The following SLC9D1 variants were observed in gnomAD, a reference collection of about 807,000 sequenced individuals.
SLC9D1 encodes the protein solute carrier family 9 member D1, also known as putative LAG1-interacting protein.
At chr13:113,544,499 T>C in the SLC9D1 span, among the ~76,000 whole-genome samples, 21 of 152,346 alleles carry the variant, frequency 1.4e-4, no homozygotes, top group African/African-American at 4.8e-4. Context: ...CCTTTGTAAA[T>C]GCAGCTCTAT....
chr13:113,496,504 G>C, the SLC9D1 span, among the ~76,000 whole-genome samples: 1 of 152,168 alleles, frequency 6.6e-6, no homozygotes, highest in Non-Finnish European at 1.5e-5. Flanking sequence ...TTGAATTAAG[G>C]ACTTTGACCA....
the SLC9D1 span, among the ~76,000 whole-genome samples, chr13:113,506,550 TGTGTGTGA>T: frequency 1.4e-4 from 18 of 132,956 alleles, 1 homozygote; most frequent in Admixed American, 1.0e-3. Flanking sequence ...CATGGGCGTG[TGTGTGTGA>T]GTGTGTGTGT....
the SLC9D1 span, chr13:113,545,626 T>C: frequency 2.6e-5 from 4 of 151,244 alleles, no homozygotes; most frequent in Non-Finnish European, 2.9e-5. Context: ...GAGTGAGCCA[T>C]GTTCCCAGGG....
chr13:113,497,453 C>T, the SLC9D1 span, among the ~76,000 whole-genome samples: 2 of 142,832 alleles, frequency 1.4e-5, no homozygotes, highest in African/African-American at 5.4e-5. Flanking sequence ...AGACCTGCAG[C>T]TGTATGAGAC....
the SLC9D1 span, chr13:113,520,526 T>A: frequency 2.5e-6 from 2 of 790,202 alleles, no homozygotes; most frequent in South Asian, 2.4e-5. Context: ...ATAATTTGAG[T>A]TATTTTGGAA....
the SLC9D1 span, chr13:113,498,458 A>G: frequency 1.3e-6 from 2 of 1,591,772 alleles, no homozygotes; most frequent in Non-Finnish European, 1.7e-6. Context: ...TTGAAGATGT[A>G]AGAAAGGCAG....
chr13:113,536,992 G>A, the SLC9D1 span, among the ~76,000 whole-genome samples: 1 of 152,162 alleles, frequency 6.6e-6, no homozygotes, highest in African/African-American at 2.4e-5. Context: ...GCATCTCAGG[G>A]CTCTGATGGG....
the SLC9D1 span, among the ~76,000 whole-genome samples, chr13:113,537,452 G>A: frequency 2.6e-5 from 4 of 152,200 alleles, no homozygotes; most frequent in South Asian, 4.1e-4. Context: ...GCCTGGCCGC[G>A]TCGCCGTGCG....
At chr13:113,495,803 A>T in the SLC9D1 span, 1 of 1,614,166 alleles carries the variant, frequency 6.2e-7, no homozygotes, top group Non-Finnish European at 8.5e-7. Flanking sequence ...TGAAAACTGC[A>T]ATTGGAGCAG....
the SLC9D1 span, among the ~76,000 whole-genome samples, chr13:113,508,517 A>G: frequency 5.1e-4 from 78 of 152,330 alleles, 2 homozygotes; most frequent in Admixed American, 1.7e-3. Flanking sequence ...AGAGAAAAGA[A>G]ATTCAGAGGC....
chr13:113,537,598 T>C, the SLC9D1 span, among the ~76,000 whole-genome samples: 1 of 152,276 alleles, frequency 6.6e-6, no homozygotes, highest in African/African-American at 2.4e-5. Flanking sequence ...CAGAAGTTCT[T>C]AATTTCAGCA....
chr13:113,506,892 C>T, the SLC9D1 span, among the ~76,000 whole-genome samples: 13 of 152,114 alleles, frequency 8.5e-5, no homozygotes, highest in Non-Finnish European at 1.9e-4. Flanking sequence ...ATGGTGCTTC[C>T]GAGGGTTTGC....
chr13:113,531,672 A>T, the SLC9D1 span, among the ~76,000 whole-genome samples: 1 of 150,150 alleles, frequency 6.7e-6, no homozygotes, highest in Non-Finnish European at 1.5e-5. Context: ...GTGGACCTGC[A>T]GGTGACACGG....
At chr13:113,539,527 T>C in the SLC9D1 span, 1 of 1,609,006 alleles carries the variant, frequency 6.2e-7, no homozygotes, top group African/African-American at 1.3e-5. The surrounding 1 kb of genome is among the most constrained non-coding windows in gnomAD (Gnocchi z 4.8). Context: ...CTTCTTTACA[T>C]TATGATTGTG....
the SLC9D1 span, among the ~76,000 whole-genome samples, chr13:113,543,088 T>G: frequency 1.4e-5 from 1 of 70,138 alleles, no homozygotes; most frequent in Non-Finnish European, 2.8e-5. Context: ...CCTCTGTCTG[T>G]GACCCCCACC....
At chr13:113,498,785 G>C in the SLC9D1 span, 1 of 355,382 alleles carries the variant, frequency 2.8e-6, no homozygotes, top group African/African-American at 2.2e-5. Flanking sequence ...GATGGATTGG[G>C]ACACTGGGAC....
chr13:113,500,761 G>A, the SLC9D1 span, among the ~76,000 whole-genome samples: 1 of 152,190 alleles, frequency 6.6e-6, no homozygotes, highest in African/African-American at 2.4e-5. Context: ...AGAGACTGGA[G>A]GTTTGTACAG....
the SLC9D1 span, among the ~76,000 whole-genome samples, chr13:113,512,340 G>A: frequency 1.5e-4 from 17 of 111,832 alleles, no homozygotes; most frequent in African/African-American, 7.3e-4. Context: ...GAGAGGGTTG[G>A]TGTGTAGATG....
chr13:113,503,685 A>G, the SLC9D1 span: 1 of 714,170 alleles, frequency 1.4e-6, no homozygotes, highest in South Asian at 1.7e-5. Flanking sequence ...ATTCACTATC[A>G]AATGTTTTTA....
Sources: gnomAD v4.1 joint callset for allele counts (sites outside exome capture counted in the v4.1 genomes callset) on GRCh38, gnomAD v4.1.1 for gene constraint, Gnocchi (gnomAD v3.1) non-coding constraint, MANE v1.5 for transcripts, NCBI Gene and HGNC (gene_info 2026-07-23, HGNC 2026-07-21) for gene names.